The following RAP1GDS1 variants were observed in gnomAD, a reference collection of about 807,000 sequenced individuals.
The protein encoded by RAP1GDS1 is Rap1 GTPase-GDP dissociation stimulator 1.
RAP1GDS1 carries 35 observed loss-of-function variants against 71.1 expected under a neutral mutation model. The observed-to-expected ratio is 0.49, with a 90% confidence interval of 0.38 to 0.65. RAP1GDS1 has a LOEUF of 0.65. RAP1GDS1 is among the 30% of genes least tolerant of loss of function. The probability of loss-of-function intolerance (pLI) is 0.00; values close to 1 mark genes in which losing one functional copy is unlikely to be tolerated. For synonymous variants in RAP1GDS1, 229 were observed against 243.1 expected, an observed-to-expected ratio of 0.94 and a Z score of 0.54; for missense variants, 663 against 706.1, an observed-to-expected ratio of 0.94 and a Z score of 0.69.
intron 12 of RAP1GDS1, among the ~76,000 whole-genome samples, chr4:98,430,730 A>G (rs917665611): frequency 9.9e-5 from 15 of 152,188 alleles, no homozygotes; most frequent in Admixed American, 5.9e-4. Context: ...TAAGTTTTTA[A>G]AATAATTAAA....
chr4:98,354,468 CT>C (rs1255340484), intron 4 of RAP1GDS1, among the ~76,000 whole-genome samples: 1 of 152,086 alleles, frequency 6.6e-6, no homozygotes, highest in African/African-American at 2.4e-5. Flanking sequence ...GGAGTTTTTC[CT>C]ATTAATAAAA....
rs531332456 is a variant in RAP1GDS1, at chr4:98,403,784, G to T, written c.638-693G>T. Among the ~76,000 whole-genome samples, 18 of 152,246 alleles carry T rather than the reference G, an allele frequency of 1.2e-4. No individual in the cohort carries two copies. In the South Asian group the frequency reaches 3.7e-3, roughly 32 times the overall value. On this transcript the variant is annotated intron_variant, in intron 6 of 14. Transcript: ENST00000408927. ...AAAGGAGGAACAATTATAGGAGATT[G>T]CTAAGTGTAGAGGCAGGTAGGCCAA... is the stretch of plus-strand genomic sequence containing the variant.
intron 4 of RAP1GDS1, among the ~76,000 whole-genome samples, chr4:98,355,899 T>TG (rs1348896517): frequency 6.6e-6 from 1 of 152,190 alleles, no homozygotes; most frequent in African/African-American, 2.4e-5. Context: ...GTCTCCTTCT[T>TG]GCATATAGAG....
intron 4 of RAP1GDS1, among the ~76,000 whole-genome samples, chr4:98,361,203 T>TCA (rs200383311): frequency 4.6e-5 from 7 of 151,652 alleles, no homozygotes; most frequent in African/African-American, 7.3e-5. Context: ...GCATTTGCTC[T>TCA]CACACACACA....
intron 1 of RAP1GDS1, among the ~76,000 whole-genome samples, chr4:98,280,959 A>G: frequency 6.6e-6 from 1 of 151,718 alleles, no homozygotes; most frequent in Non-Finnish European, 1.5e-5. Context: ...GTTCTGTTCC[A>G]TTGGTCTATA....
chr4:98,401,031 T>C (rs1484387674), intron 6 of RAP1GDS1, among the ~76,000 whole-genome samples: 2 of 152,154 alleles, frequency 1.3e-5, no homozygotes, highest in African/African-American at 2.4e-5. Flanking sequence ...GGGATTTAAA[T>C]GAAGAAAAAC....
At chr4:98,268,590 C>CATTAGGACAT (rs1409433084) in intron 1 of RAP1GDS1, among the ~76,000 whole-genome samples, 2 of 151,904 alleles carry the variant, frequency 1.3e-5, no homozygotes, top group Non-Finnish European at 2.9e-5. Flanking sequence ...AAGACAAAAA[C>CATTAGGACAT]TATTAGTCCT....
Position 98,420,115 on chromosome 4 carries a change from G to A in RAP1GDS1, c.1271G>A (p.Gly424Glu). The A allele has an allele frequency of 6.3e-7, 1 of 1,582,004 alleles. No individual in the cohort carries two copies. The highest frequency in any genetic ancestry group is 8.6e-7 in the Non-Finnish European group (1 of 1,164,312). ...EMPPVQFKLL[G>E]TLRMLIDAQA... Reference sequence around the variant, plus strand: ...CCTCCTGTTCAGTTCAAACTTCTGGGAACATTAAGAATGTTAATAGATGCA... The same window carrying A: ...CCTCCTGTTCAGTTCAAACTTCTGGAAACATTAAGAATGTTAATAGATGCA... Residue 424 changes from glycine to glutamate, a missense_variant, in exon 11 of 15, where the codon GGA becomes GAA. Coordinates refer to ENST00000408927, the MANE Select transcript of RAP1GDS1 (RefSeq NM_001100427.2).
intron 5 of RAP1GDS1, among the ~76,000 whole-genome samples, chr4:98,386,195 ATAAT>A (rs1252943760): frequency 6.6e-6 from 1 of 151,986 alleles, no homozygotes; most frequent in Non-Finnish European, 1.5e-5. Context: ...TCTGTAACAA[ATAAT>A]TAACCTGTAG....
intron 4 of RAP1GDS1, among the ~76,000 whole-genome samples, chr4:98,355,643 G>A (rs912246241): frequency 2.6e-5 from 4 of 152,128 alleles, no homozygotes; most frequent in Non-Finnish European, 4.4e-5. Flanking sequence ...GCATATTTCA[G>A]TTAGCATAGT....
chr4:98,282,639 A>G (rs914241483), intron 1 of RAP1GDS1, among the ~76,000 whole-genome samples: 1 of 135,744 alleles, frequency 7.4e-6, no homozygotes, highest in African/African-American at 2.7e-5. Flanking sequence ...CTCTGATCTT[A>G]GTTATCTCTT....
chr4:98,443,593 A>T lies in RAP1GDS1; in HGVS notation c.*1476A>T. The T allele has an allele frequency of 4.5e-6, 1 of 219,972 alleles. No homozygotes were observed. The highest frequency in any genetic ancestry group is 9.1e-6 in the Non-Finnish European group (1 of 109,706). 13.6% of individuals were successfully genotyped at this position (219,972 alleles called of 1,614,324 possible). A position where few individuals can be genotyped will look rare whatever the true frequency, so the allele number is the denominator to read the frequency against. On this transcript the variant is annotated 3_prime_UTR_variant, in exon 15 of 15. Coordinates refer to ENST00000408927, the MANE Select transcript of RAP1GDS1 (RefSeq NM_001100427.2). Reference sequence around the variant, plus strand: ...GCTACACATCTCTGTGGATAATCTAAGTTGGACTTTTGACTCTAAAACAGC... The same window carrying T: ...GCTACACATCTCTGTGGATAATCTATGTTGGACTTTTGACTCTAAAACAGC...
chr4:98,348,975 G>A (rs1315524165), intron 3 of RAP1GDS1, among the ~76,000 whole-genome samples: 3 of 152,116 alleles, frequency 2.0e-5, no homozygotes, highest in African/African-American at 7.2e-5. Context: ...AGTTTAATTA[G>A]ATCCCATTTG....
intron 4 of RAP1GDS1, among the ~76,000 whole-genome samples, chr4:98,356,651 C>T (rs1404455252): frequency 6.6e-6 from 1 of 151,882 alleles, no homozygotes; most frequent in East Asian, 1.9e-4. Flanking sequence ...AACAAATATA[C>T]CTCTTTATAG....
intron 4 of RAP1GDS1, among the ~76,000 whole-genome samples, chr4:98,374,192 T>C (rs1432159709): frequency 6.6e-6 from 1 of 152,206 alleles, no homozygotes; most frequent in Non-Finnish European, 1.5e-5. Flanking sequence ...CTCTGGGTTA[T>C]CCCACTCCCA....
rs901175429 is a variant in RAP1GDS1, at chr4:98,407,929, G to A, written c.763+3327G>A. On this transcript the variant is annotated intron_variant, in intron 7 of 14. Transcript: ENST00000408927. ...ACAAACATATAATTACTACAGTTGA[G>A]TCTGAAAAGACAGTGGAATTGGTAA... 1.1e-4 allele frequency among the ~76,000 whole-genome samples: 16 copies of A among 152,134 alleles called. No individual in the cohort carries two copies. The South Asian group carries it at 2.3e-3, about 22-fold the overall frequency.
intron 12 of RAP1GDS1, among the ~76,000 whole-genome samples, chr4:98,426,846 G>A (rs951864760): frequency 2.0e-5 from 3 of 151,960 alleles, no homozygotes; most frequent in Non-Finnish European, 4.4e-5. Context: ...AGAGAAAGAG[G>A]GAATCCTCCC....
intron 5 of RAP1GDS1, among the ~76,000 whole-genome samples, chr4:98,388,490 C>G (rs1743097569): frequency 6.6e-6 from 1 of 152,170 alleles, no homozygotes; most frequent in African/African-American, 2.4e-5. Context: ...CTTTGGGAGG[C>G]CGAGGCGGAT....
intron 2 of RAP1GDS1, among the ~76,000 whole-genome samples, chr4:98,305,523 T>C (rs1229245954): frequency 6.6e-6 from 1 of 152,106 alleles, no homozygotes; most frequent in African/African-American, 2.4e-5. Flanking sequence ...TATTCTTACC[T>C]AGGAGTTTAT....
Sources: gnomAD v4.1 joint callset for allele counts (sites outside exome capture counted in the v4.1 genomes callset) on GRCh38, gnomAD v4.1.1 for gene constraint, MANE v1.5 for transcripts, NCBI Gene and HGNC (gene_info 2026-07-23, HGNC 2026-07-21) for gene names.